Variants in RIPK4 observed in about 807,000 individuals in gnomAD.
RIPK4 encodes the protein receptor interacting serine/threonine kinase 4.
RIPK4 carries 17 observed loss-of-function variants against 42.9 expected under a neutral mutation model. The observed-to-expected ratio is 0.40, with a 90% confidence interval of 0.27 to 0.59. The LOEUF (loss-of-function observed/expected upper bound fraction) is 0.59. RIPK4 is among the 20% of genes least tolerant of loss of function. RIPK4 has a pLI of 0.47. For missense variants in RIPK4, 897 were observed against 1,104.4 expected, an observed-to-expected ratio of 0.81 and a Z score of 2.66; for synonymous variants, 498 against 499.1, an observed-to-expected ratio of 1.00 and a Z score of 0.03.
At chr21:41,746,527 G>T in intron 5 of RIPK4, 86 bp downstream of exon 5, 1 of 1,507,596 alleles carries the variant, frequency 6.6e-7, no homozygotes, top group Non-Finnish European at 9.0e-7. Context: ...TTCTCACCCA[G>T]GCCTGGTCCC....
chr21:41,749,280 C>T (rs993465269), intron 3 of RIPK4, 77 bp from the exon 4 acceptor site: 7 of 1,380,574 alleles, frequency 5.1e-6, no homozygotes, highest in South Asian at 2.3e-5. Context: ...CAGCAACAGG[C>T]GTGAAGACAC....
At chr21:41,765,019 T>C (rs2061231892) in intron 1 of RIPK4, among the ~76,000 whole-genome samples, 1 of 152,188 alleles carries the variant, frequency 6.6e-6, no homozygotes, top group African/African-American at 2.4e-5. Flanking sequence ...TCCTAAGTGA[T>C]CCACCTTAAG....
rs2061202084 is a variant in RIPK4, at chr21:41,755,977, T to C, written c.474+548A>G. ...AAAAGCAAGCTCCATCTCCCAGGCG[T>C]TGCACTAACGCAACACGCTGCCACT... On this transcript the variant is annotated intron_variant, in intron 2 of 7. Coordinates refer to ENST00000332512, the MANE Select transcript of RIPK4 (RefSeq NM_020639.3). The surrounding 1 kb of genome is among the most constrained non-coding windows in gnomAD (Gnocchi z 4.2). Among the ~76,000 whole-genome samples the C allele has an allele frequency of 6.6e-6, 1 of 152,174 alleles. No individual in the cohort carries two copies. Among genetic ancestry groups the C allele is most frequent in the African/African-American group, 2.4e-5 (1 of 41,438 alleles).
At chr21:41,756,383 C>T (rs766492215) in intron 2 of RIPK4, 142 bp downstream of exon 2, 19 of 1,070,962 alleles carry the variant, frequency 1.8e-5, no homozygotes, top group Non-Finnish European at 2.5e-5. Context: ...CAAAAGGCCT[C>T]GGTTTCAAGC....
At chr21:41,747,469 G>T (rs1190598017) in intron 4 of RIPK4, among the ~76,000 whole-genome samples, 1 of 152,178 alleles carries the variant, frequency 6.6e-6, no homozygotes, top group African/African-American at 2.4e-5. Flanking sequence ...TTTCTGCTTA[G>T]CCTGGAACCC....
rs536757240 is a variant in RIPK4 at position 41,762,539 on chromosome 21, C to A, written c.182+4321G>T. 2.6e-5 allele frequency among the ~76,000 whole-genome samples: 4 copies of A among 152,302 alleles called. No individual in the cohort carries two copies. In the East Asian group the frequency reaches 7.7e-4, roughly 29 times the overall value. On this transcript the variant is annotated intron_variant, in intron 1 of 7. Coordinates refer to ENST00000332512, the MANE Select transcript of RIPK4 (RefSeq NM_020639.3). The stretch of plus-strand genomic sequence containing the variant: ...CCTTCTGGGGTCGGGTGTCGCCCGG[C>A]GGCATTTGCAATTCAATAAGCCTGA...
Position 41,766,999 on chromosome 21 carries a change from G to A in RIPK4, c.43C>T (p.Arg15Cys), listed in dbSNP as rs1204880270. The change falls in exon 1 of 8, where the codon CGC becomes TGC. Residue 15 changes from arginine (R) to cysteine (C), a missense_variant. By Grantham distance (180) the Arg-to-Cys change is radical. Transcript: ENST00000332512. ...GTGAACTCGCCCGCGTCGAAGGTGC[G>A]CAGCAGCGCCAGGGCCCATGGGGTC... ...GGTPWALALL[R>C]TFDAGEFTGW... The A allele has an allele frequency of 1.2e-6, 2 of 1,600,890 alleles. No homozygotes were observed. Among genetic ancestry groups the A allele is most frequent in the African/African-American group, 1.4e-5 (1 of 72,822 alleles).
chr21:41,746,947 A>G (rs1383150318), intron 4 of RIPK4, 176 bp from the exon 5 acceptor site: 15 of 642,680 alleles, frequency 2.3e-5, no homozygotes, highest in Non-Finnish European at 3.4e-5. Flanking sequence ...CCTCACCCTC[A>G]TGGTGCGCCA....
rs374754902 is a variant in RIPK4 at position 41,755,327 on chromosome 21, G to C, written c.474+1198C>G. Among the ~76,000 whole-genome samples, 79 of 152,282 alleles carry C rather than the reference G, an allele frequency of 5.2e-4. No homozygotes were observed. The highest frequency in any genetic ancestry group is 8.7e-4 in the Non-Finnish European group (59 of 68,024). Reference sequence around the variant, plus strand: ...TTATTACTGCGCAACACCTACCTAAGAGACAACTTATAATTACTGCCCGAA... The same window carrying C: ...TTATTACTGCGCAACACCTACCTAACAGACAACTTATAATTACTGCCCGAA... On this transcript the variant is annotated intron_variant, in intron 2 of 7. Transcript: ENST00000332512. The surrounding 1 kb of genome is among the most constrained non-coding windows in gnomAD (Gnocchi z 4.2).
At position 41,746,713 on chromosome 21, in the gene RIPK4, C is replaced by G. The variant is rs566081548; in HGVS notation, c.732G>C (p.Leu244=). Residue 244 remains leucine, a synonymous_variant, in exon 5 of 8, where the codon CTG becomes CTC. Coordinates refer to ENST00000332512, the MANE Select transcript of RIPK4 (RefSeq NM_020639.3). ...GCGGCCGGGCTCTGCACACGGGCGG[C>G]AGCTCGGGGCGGTGGCCCTTCACCA... ...VKVVKGHRPE[L]PPVCRARPRA... The G allele has an allele frequency of 6.2e-7, 1 of 1,609,326 alleles. No individual in the cohort carries two copies. Among genetic ancestry groups the G allele is most frequent in the South Asian group, 1.1e-5 (1 of 90,886 alleles).
Position 41,741,162 on chromosome 21 carries a change from A to C in RIPK4, c.2031T>G (p.Ala677=). 6.2e-7 allele frequency: 1 copy of C among 1,612,708 alleles called. No individual in the cohort carries two copies. Residue 677 remains alanine (A), a synonymous_variant, in exon 8 of 8, where the codon GCT becomes GCG. Coordinates refer to ENST00000332512, the MANE Select transcript of RIPK4 (RefSeq NM_020639.3). ...TSDGYTALHL[A]ARNGHLATVK... ...CAGTGGCCAGGTGTCCGTTGCGGGC[A>C]GCCAGGTGCAGAGCGGTGTAGCCGT...
At chr21:41,749,614 T>A (rs1257600927) in intron 3 of RIPK4, among the ~76,000 whole-genome samples, 1 of 152,142 alleles carries the variant, frequency 6.6e-6, no homozygotes, top group Admixed American at 6.5e-5. Context: ...TCCCATGCCC[T>A]CCCCCAACAA....
chr21:41,760,473 T>C lies in RIPK4; in HGVS notation c.183-3657A>G, dbSNP rs181862138. 6.8e-4 allele frequency among the ~76,000 whole-genome samples: 104 copies of C among 152,204 alleles called. 2 individuals carry two copies. The highest frequency in any genetic ancestry group is 5.9e-3 in the Admixed American group (91 of 15,298). ...AGAGATCCAAAGTCAGAAGTCAGCATAGGAAAGGGCCCCTGAGAGAATCGG... is the reference window on the plus strand; with the variant it reads ...AGAGATCCAAAGTCAGAAGTCAGCACAGGAAAGGGCCCCTGAGAGAATCGG... On this transcript the variant is annotated intron_variant, in intron 1 of 7. Transcript: ENST00000332512.
At chr21:41,749,125 C>A in intron 4 of RIPK4, 29 bp downstream of exon 4, 1 of 1,612,250 alleles carries the variant, frequency 6.2e-7, no homozygotes. Flanking sequence ...AAGACAAGCA[C>A]ATTACACCTC....
In RIPK4 at chr21:41,745,818, C is replaced by G. The variant is rs372754087; in HGVS notation, c.877G>C (p.Glu293Gln). 1 of 1,614,220 alleles carries G rather than the reference C, an allele frequency of 6.2e-7. No individual in the cohort carries two copies. Among genetic ancestry groups the G allele is most frequent in the South Asian group, 1.1e-5 (1 of 91,086 alleles). ...AGATCATGAGCAGTTTCTTTCACTTCGTCATCAGGCTTTTCACACAGGTCC... is the reference window on the plus strand; with the variant it reads ...AGATCATGAGCAGTTTCTTTCACTTGGTCATCAGGCTTTTCACACAGGTCC... Reference protein sequence around the residue: ...TEDLCEKPDDEVKETAHDLDV... With the variant: ...TEDLCEKPDDQVKETAHDLDV... The change falls in exon 6 of 8, where the codon GAA becomes CAA. Residue 293 changes from glutamate (E) to glutamine (Q), a missense_variant. Physicochemically the swap from Glu to Gln is conservative, Grantham distance 29. Transcript: ENST00000332512.
chr21:41,753,141 C>T (rs2061193359), intron 2 of RIPK4, among the ~76,000 whole-genome samples: 1 of 152,166 alleles, frequency 6.6e-6, no homozygotes, highest in South Asian at 2.1e-4. Flanking sequence ...CTTGCCTGTA[C>T]AAGTTAGTAG....
chr21:41,750,264 G>T (rs2061184776), intron 3 of RIPK4, among the ~76,000 whole-genome samples: 5 of 152,190 alleles, frequency 3.3e-5, no homozygotes, highest in Admixed American at 2.0e-4. Context: ...AGCCACAATG[G>T]GAGGCTTAGT....
At chr21:41,766,438 C>T (rs1049989418) in intron 1 of RIPK4, among the ~76,000 whole-genome samples, 1 of 152,258 alleles carries the variant, frequency 6.6e-6, no homozygotes, top group Admixed American at 6.5e-5. Context: ...CGCAGCGCCC[C>T]GGTGGGTCCC....
At chr21:41,761,686 C>T (rs1284532279) in intron 1 of RIPK4, among the ~76,000 whole-genome samples, 4 of 152,248 alleles carry the variant, frequency 2.6e-5, no homozygotes, top group African/African-American at 9.6e-5. Flanking sequence ...TGAGAGTGAA[C>T]TCTCTAAGCC....
Sources: gnomAD v4.1 joint callset for allele counts (sites outside exome capture counted in the v4.1 genomes callset) on GRCh38, gnomAD v4.1.1 for gene constraint, Gnocchi (gnomAD v3.1) non-coding constraint, MANE v1.5 for transcripts, NCBI Gene and HGNC (gene_info 2026-07-23, HGNC 2026-07-21) for gene names.